NEK1: variants seen among roughly 807,000 people sequenced by gnomAD.
The protein encoded by NEK1 is serine/threonine-protein kinase Nek1.
In NEK1, 137 loss-of-function variants were observed where a neutral mutation model predicts 182.1. That is an observed-to-expected ratio of 0.75 (90% CI 0.65 to 0.87). The LOEUF is 0.87. Among genes scored for constraint, NEK1 ranks in the 40% least tolerant of loss-of-function variants. The pLI, the probability that NEK1 is intolerant of heterozygous loss-of-function variation, is 0.00. For synonymous variants in NEK1, 513 were observed against 492.2 expected (o/e 1.04, Z -0.56); for missense variants, 1,391 against 1,494.4 (o/e 0.93, Z 1.14).
At chr4:169,567,535 G>T (rs1436712816) in intron 12 of NEK1, among the ~76,000 whole-genome samples, 1 of 152,132 alleles carries the variant, frequency 6.6e-6, no homozygotes, top group Admixed American at 6.5e-5. Flanking sequence ...AAAGTAGCCA[G>T]ATTACAAGCA....
At chr4:169,466,686 T>A (rs1744988165) in intron 26 of NEK1, among the ~76,000 whole-genome samples, 1 of 152,024 alleles carries the variant, frequency 6.6e-6, no homozygotes. Flanking sequence ...AGCAGGACTG[T>A]ACTACAAAAA....
intron 12 of NEK1, among the ~76,000 whole-genome samples, chr4:169,575,754 C>T (rs1030366635): frequency 2.6e-5 from 4 of 152,104 alleles, no homozygotes; most frequent in Admixed American, 2.6e-4. Flanking sequence ...GTGGGGCCAT[C>T]GAGTGAGCTA....
At chr4:169,456,557 G>C (rs958049743) in intron 27 of NEK1, among the ~76,000 whole-genome samples, 2 of 152,062 alleles carry the variant, frequency 1.3e-5, no homozygotes, top group African/African-American at 4.8e-5. Flanking sequence ...GAAATTAAAA[G>C]GATCTTTAGA....
At position 169,477,318 on chromosome 4, in the gene NEK1, T is replaced by C; in HGVS notation, c.2240A>G (p.Asn747Ser). ...KREILRRLNE[N>S]LKAQEDEKGK... ...TTTTTCATCTTCTTGAGCTTTAAGA[T>C]TTTCATTTAATCTACGAAGTATTTC... The change falls in exon 26 of 36, where the codon AAT becomes AGT. Residue 747 changes from asparagine (N) to serine (S), a missense_variant. Coordinates refer to ENST00000507142, the MANE Select transcript of NEK1 (RefSeq NM_001199397.3). 1 of 1,580,758 alleles carries C rather than the reference T, an allele frequency of 6.3e-7. No individual in the cohort carries two copies. The highest frequency in any genetic ancestry group is 1.2e-5 in the South Asian group (1 of 86,794).
chr4:169,416,288 C>A (rs536983144), intron 31 of NEK1, among the ~76,000 whole-genome samples: 1 of 152,216 alleles, frequency 6.6e-6, no homozygotes, highest in African/African-American at 2.4e-5. Context: ...CAGACTTAAT[C>A]ATTTCCTCTT....
chr4:169,408,934 G>C (rs7677603), intron 31 of NEK1, among the ~76,000 whole-genome samples: 137,607 of 152,206 alleles, frequency 0.9, 62,307 homozygotes, highest in African/African-American at 0.94. Flanking sequence ...TATAAACATG[G>C]GTGTGTGTGT....
chr4:169,417,323 A>G (rs1036111173), intron 31 of NEK1, among the ~76,000 whole-genome samples: 1 of 152,266 alleles, frequency 6.6e-6, no homozygotes, highest in Admixed American at 6.5e-5. Flanking sequence ...AGACCATGGT[A>G]AAGAGTCTGA....
At chr4:169,506,957 T>A (rs2149689946) in intron 23 of NEK1, 80 bp downstream of exon 23, 2 of 850,740 alleles carry the variant, frequency 2.4e-6, no homozygotes, top group South Asian at 2.4e-5. Flanking sequence ...CACAAGAAAA[T>A]TATAATACTG....
chr4:169,597,014 GA>G (rs2150120982), intron 5 of NEK1, among the ~76,000 whole-genome samples: 1 of 152,080 alleles, frequency 6.6e-6, no homozygotes, highest in South Asian at 2.1e-4. Context: ...TATGTACTAA[GA>G]GTACTTATCA....
chr4:169,600,634 G>C (rs1213611828), intron 4 of NEK1, among the ~76,000 whole-genome samples: 1 of 152,050 alleles, frequency 6.6e-6, no homozygotes, highest in Non-Finnish European at 1.5e-5. Flanking sequence ...GAATCTGTAT[G>C]ACTTTTTATG....
At chr4:169,435,917 T>C (rs1375556666) in intron 28 of NEK1, among the ~76,000 whole-genome samples, 1 of 152,094 alleles carries the variant, frequency 6.6e-6, no homozygotes, top group African/African-American at 2.4e-5. Flanking sequence ...AAAATAAAAA[T>C]TGTTTTTTAT....
At chr4:169,406,521 G>GT in intron 32 of NEK1, 75 bp downstream of exon 32, 1 of 1,072,522 alleles carries the variant, frequency 9.3e-7, no homozygotes, top group Non-Finnish European at 1.3e-6. Flanking sequence ...AAAGAGCTAG[G>GT]TAAGTTATCC....
chr4:169,564,887 T>C (rs1408352608), intron 12 of NEK1, among the ~76,000 whole-genome samples: 1 of 152,200 alleles, frequency 6.6e-6, no homozygotes, highest in Non-Finnish European at 1.5e-5. Flanking sequence ...ATTTTATTGG[T>C]ATGTTTTAAC....
chr4:169,544,966 G>C (rs1561384088), intron 18 of NEK1, among the ~76,000 whole-genome samples: 1 of 148,896 alleles, frequency 6.7e-6, no homozygotes, highest in Admixed American at 6.7e-5. Flanking sequence ...AGGGTTTTTT[G>C]TGTCTCTATC....
intron 26 of NEK1, among the ~76,000 whole-genome samples, chr4:169,463,685 T>TGAAATGCTTGGGGCCAGAA (rs1744402412): frequency 6.6e-6 from 1 of 152,192 alleles, no homozygotes; most frequent in South Asian, 2.1e-4. Flanking sequence ...ATCTCTTATC[T>TGAAATGCTTGGGGCCAGAA]GAAATGCTTG....
chr4:169,571,337 C>T (rs1484366307), intron 12 of NEK1, among the ~76,000 whole-genome samples: 1 of 152,036 alleles, frequency 6.6e-6, no homozygotes, highest in Non-Finnish European at 1.5e-5. Context: ...AACTAGTGAA[C>T]AACAACAAAA....
At chr4:169,433,688 G>C in intron 28 of NEK1, 23 bp from the exon 29 acceptor site, 1 of 1,608,146 alleles carries the variant, frequency 6.2e-7, no homozygotes, top group Non-Finnish European at 8.5e-7. Flanking sequence ...AACGTAACGA[G>C]AGACATCTCA....
intron 26 of NEK1, among the ~76,000 whole-genome samples, chr4:169,470,272 T>C (rs1181062218): frequency 1.3e-5 from 2 of 152,196 alleles, no homozygotes; most frequent in African/African-American, 2.4e-5. Context: ...GTACTGGTTT[T>C]TCCTTTCCAA....
chr4:169,606,130 T>C (rs1218064262), intron 2 of NEK1, among the ~76,000 whole-genome samples: 1 of 151,672 alleles, frequency 6.6e-6, no homozygotes, highest in Non-Finnish European at 1.5e-5. Flanking sequence ...ATTGTACTCT[T>C]AGCCACAAAG....
Sources: gnomAD v4.1 joint callset for allele counts (sites outside exome capture counted in the v4.1 genomes callset) on GRCh38, gnomAD v4.1.1 for gene constraint, MANE v1.5 for transcripts, NCBI Gene and HGNC (gene_info 2026-07-23, HGNC 2026-07-21) for gene names.